Variants in ELMO2 observed in about 807,000 individuals in gnomAD.
ELMO2 encodes engulfment and cell motility protein 2.
Under a neutral mutation model 96.2 loss-of-function variants are expected in ELMO2, and 37 were observed. The ratio of observed to expected loss-of-function variants is 0.38; its 90% confidence interval spans 0.30 to 0.51. The LOEUF (loss-of-function observed/expected upper bound fraction) is 0.51. ELMO2 is among the 20% of genes least tolerant of loss of function. The probability of loss-of-function intolerance (pLI) is 0.88; values close to 1 mark genes in which losing one functional copy is unlikely to be tolerated. For missense variants in ELMO2, 561 were observed against 912.6 expected (o/e 0.61, Z 4.96); for synonymous variants, 315 against 329.4 (o/e 0.96, Z 0.47).
At chr20:46,396,274 G>A (rs1600884203) in intron 2 of ELMO2, among the ~76,000 whole-genome samples, 1 of 152,198 alleles carries the variant, frequency 6.6e-6, no homozygotes, top group Admixed American at 6.5e-5. Context: ...ATCTCTGGAT[G>A]CTTAGAGATG....
In ELMO2 at chr20:46,389,133, A is replaced by C; in HGVS notation, c.331T>G (p.Ser111Ala). 6.2e-7 allele frequency: 1 copy of C among 1,614,216 alleles called. No individual in the cohort carries two copies. The highest frequency in any genetic ancestry group is 2.2e-5 in the East Asian group (1 of 44,868). Reference sequence around the variant, plus strand: ...TCAGTAGCGAAAGTCACGTCGGCAGAGAGCTTGGCCAGCTCCTTCATGGCA... The same window carrying C: ...TCAGTAGCGAAAGTCACGTCGGCAGCGAGCTTGGCCAGCTCCTTCATGGCA... The part of the protein sequence containing the change: ...LDAMKELAKL[S>A]ADVTFATEFI... Residue 111 changes from serine to alanine, a missense_variant, in exon 7 of 22, where the codon TCT (serine) becomes GCT (alanine). By Grantham distance (99) the Ser-to-Ala change is moderately conservative. Transcript: ENST00000290246.
chr20:46,368,686 C>A (rs1425468727), intron 21 of ELMO2, among the ~76,000 whole-genome samples: 1 of 48,128 alleles, frequency 2.1e-5, no homozygotes, highest in Non-Finnish European at 7.3e-5. Context: ...CCTGCTGCTT[C>A]ATCTGGGTGC....
rs984904888 is a variant in ELMO2, at chr20:46,403,835, GA to G, written c.-126+2712del. 2.4e-4 allele frequency among the ~76,000 whole-genome samples: 37 copies of G among 152,344 alleles called. 1 individual carries two copies. Among genetic ancestry groups the G allele is most frequent in the African/African-American group, 8.2e-4 (34 of 41,584 alleles). ...GCCGTGGCTCACGCCTGTAATCTCA[GA>G]ACTTTGGGAGGCTGAGGTGGGCGGG... On this transcript the variant is annotated intron_variant, in intron 1 of 21. Transcript: ENST00000290246.
In ELMO2 at chr20:46,367,329, C is replaced by G. The variant is rs763312200; in HGVS notation, c.*31G>C. ...GTTTCTCCTGGGCCCAAAATCCCTT[C>G]TCCTGGGTACCGTCGTTTCTGGCTC... On this transcript the variant is annotated 3_prime_UTR_variant, in exon 22 of 22. Coordinates refer to ENST00000290246, the MANE Select transcript of ELMO2 (RefSeq NM_133171.5). The G allele has an allele frequency of 1.7e-5, 24 of 1,440,772 alleles. 1 individual carries two copies. In the South Asian group the frequency reaches 3.1e-4, roughly 19 times the overall value. 89.2% of individuals were successfully genotyped at this position (1,440,772 alleles called of 1,614,324 possible). A position where few individuals can be genotyped will look rare whatever the true frequency, so the allele number is the denominator to read the frequency against.
intron 10 of ELMO2, chr20:46,382,229 T>C (rs1211654768): frequency 1.6e-6 from 2 of 1,289,812 alleles, no homozygotes; most frequent in Non-Finnish European, 2.0e-6. Flanking sequence ...TCTAGAGGAT[T>C]AAGGTGCTTG....
At position 46,383,413 on chromosome 20, in the gene ELMO2, G is replaced by C; in HGVS notation, c.756+3C>G. 1 of 1,613,898 alleles carries C rather than the reference G, an allele frequency of 6.2e-7. No homozygotes were observed. The highest frequency in any genetic ancestry group is 8.5e-7 in the Non-Finnish European group (1 of 1,179,754). ...TGAAAAATGTGAAAAGGCAGCCACA[G>C]ACCTGTCGTTTGTCCTCAGGAGCCT... On this transcript the variant is annotated splice_donor_region_variant and intron_variant, in intron 10 of 21. Coordinates refer to ENST00000290246, the MANE Select transcript of ELMO2 (RefSeq NM_133171.5).
At chr20:46,393,255 G>T in intron 5 of ELMO2, 112 bp from the exon 6 acceptor site, 1 of 1,117,608 alleles carries the variant, frequency 8.9e-7, no homozygotes, top group Non-Finnish European at 1.3e-6. Flanking sequence ...TGTAACTGAG[G>T]ATCTTCAGTC....
chr20:46,375,705 T>C lies in ELMO2; in HGVS notation c.893A>G (p.Glu298Gly). The C allele has an allele frequency of 2.5e-6, 4 of 1,614,144 alleles. No individual in the cohort carries two copies. The highest frequency in any genetic ancestry group is 3.4e-6 in the Non-Finnish European group (4 of 1,179,988). The change falls in exon 12 of 22, where the codon GAA becomes GGA. Residue 298 changes from glutamate (E) to glycine (G), a missense_variant. By Grantham distance (98) the Glu-to-Gly change is moderately conservative. Coordinates refer to ENST00000290246, the MANE Select transcript of ELMO2 (RefSeq NM_133171.5). The surrounding 1 kb of genome is among the most constrained non-coding windows in gnomAD (Gnocchi z 4.6). ...GTCCATCTTGGTCATCATCCTTTCT[T>C]CCAGAAGGTTAAAGGTTAGGACTTG... ...VLQVLTFNLL[E>G]ERMMTKMDPN...
chr20:46,392,328 C>T (rs1338177023), intron 6 of ELMO2, among the ~76,000 whole-genome samples: 1 of 152,132 alleles, frequency 6.6e-6, no homozygotes, highest in Non-Finnish European at 1.5e-5. Flanking sequence ...TAGCATATCA[C>T]CATACTCATA....
intron 21 of ELMO2, 114 bp from the exon 22 acceptor site, chr20:46,367,674 T>C (rs2145746029): frequency 3.2e-6 from 2 of 630,604 alleles, no homozygotes; most frequent in East Asian, 3.3e-5. Flanking sequence ...CTAATCAGTA[T>C]AGGCAAAACT....
Position 46,371,542 on chromosome 20 carries a change from T to G in ELMO2, c.1693+37A>C. The G allele has an allele frequency of 1.2e-5, 20 of 1,604,622 alleles. No homozygotes were observed. Among genetic ancestry groups the G allele is most frequent in the South Asian group, 3.3e-5 (3 of 90,518 alleles). ...CACAAAAGGGGCCATCCAGGCAGGC[T>G]CTTCCCGGCACCAAGGATTGCCCCG... On this transcript the variant is annotated intron_variant, in intron 18 of 21. Coordinates refer to ENST00000290246, the MANE Select transcript of ELMO2 (RefSeq NM_133171.5). The surrounding 1 kb of genome is among the most constrained non-coding windows in gnomAD (Gnocchi z 5.9).
chr20:46,380,705 G>C (rs548296834), intron 10 of ELMO2, among the ~76,000 whole-genome samples: 1 of 152,296 alleles, frequency 6.6e-6, no homozygotes, highest in East Asian at 1.9e-4. Flanking sequence ...AGGAACTCTA[G>C]TGAAGCACTG....
chr20:46,374,362 G>A lies in ELMO2; in HGVS notation c.1249C>T (p.Leu417Phe). ...TCCCCAACCTGCAGGATTTCACAGA[G>A]CATTTTGGTGAGCTCAATGGCACTG... ...GRSAIELTKMLCEILQVGELP... is the reference protein window; with the variant it reads ...GRSAIELTKMFCEILQVGELP... The change falls in exon 15 of 22, where the codon CTC becomes TTC. Residue 417 changes from leucine to phenylalanine, a missense_variant. Leu to Phe is a conservative substitution (Grantham distance 22). Coordinates refer to ENST00000290246, the MANE Select transcript of ELMO2 (RefSeq NM_133171.5). 1 of 1,614,154 alleles carries A rather than the reference G, an allele frequency of 6.2e-7. No homozygotes were observed. The highest frequency in any genetic ancestry group is 8.5e-7 in the Non-Finnish European group (1 of 1,180,010).
chr20:46,392,390 C>T (rs918516304), intron 6 of ELMO2, among the ~76,000 whole-genome samples: 7 of 152,214 alleles, frequency 4.6e-5, no homozygotes, highest in Admixed American at 1.3e-4. Context: ...TCCATTACCA[C>T]TTGCCTTCAC....
chr20:46,390,128 G>A (rs940253965), intron 6 of ELMO2, among the ~76,000 whole-genome samples: 74 of 151,990 alleles, frequency 4.9e-4, no homozygotes, highest in African/African-American at 1.7e-3. Flanking sequence ...ACTCCAGCCT[G>A]GGCAACAGAG....
rs2059611955 is a variant in ELMO2 at position 46,367,661 on chromosome 20, G to A, written c.1963-101C>T. The A allele has an allele frequency of 9.8e-6, 9 of 915,688 alleles. No individual in the cohort carries two copies. The South Asian group carries it at 1.8e-4, about 18-fold the overall frequency. 56.7% of individuals were successfully genotyped at this position (915,688 alleles called of 1,614,324 possible). A position where few individuals can be genotyped will look rare whatever the true frequency, so the allele number is the denominator to read the frequency against. On this transcript the variant is annotated intron_variant, in intron 21 of 21. Transcript: ENST00000290246. ...ATGGGGCTCACAACAGTTCCTTTTGGAACTAATCAGTATAGGCAAAACTGA... is the reference window on the plus strand; with the variant it reads ...ATGGGGCTCACAACAGTTCCTTTTGAAACTAATCAGTATAGGCAAAACTGA...
chr20:46,382,045 T>G (rs2059966055), intron 10 of ELMO2, among the ~76,000 whole-genome samples: 1 of 152,242 alleles, frequency 6.6e-6, no homozygotes, highest in Non-Finnish European at 1.5e-5. Context: ...TAATCTGCAG[T>G]ACTTCCCTAA....
intron 11 of ELMO2, among the ~76,000 whole-genome samples, chr20:46,379,580 C>G (rs762194712): frequency 4.6e-5 from 7 of 152,162 alleles, no homozygotes; most frequent in Non-Finnish European, 7.3e-5. Flanking sequence ...ATCTGGTCCT[C>G]GCTACCTCTC....
intron 21 of ELMO2, among the ~76,000 whole-genome samples, chr20:46,368,186 T>C (rs1447675975): frequency 1.3e-5 from 2 of 152,060 alleles, no homozygotes; most frequent in Non-Finnish European, 2.9e-5. Flanking sequence ...TCAACCAAAT[T>C]CCACTAGCGG....
Sources: allele counts gnomAD v4.1 joint callset (sites outside exome capture counted in the v4.1 genomes callset), GRCh38; gene constraint gnomAD v4.1.1; non-coding constraint Gnocchi (gnomAD v3.1); transcripts MANE v1.5; gene names NCBI Gene and HGNC (gene_info 2026-07-23, HGNC 2026-07-21).